The following IGF1R variants were observed in gnomAD, a reference collection of about 807,000 sequenced individuals.
IGF1R encodes the protein insulin-like growth factor 1 receptor.
A neutral mutation model predicts 144.6 loss-of-function variants in IGF1R; 44 were observed. That is an observed-to-expected ratio of 0.30 (90% CI 0.24 to 0.39). IGF1R has a LOEUF of 0.39. Ranked by LOEUF, IGF1R falls within the 10% of genes least tolerant of loss-of-function variation. The pLI, the probability that IGF1R is intolerant of heterozygous loss-of-function variation, is 1.00. For missense variants in IGF1R, 1,355 were observed against 1,833.7 expected, an observed-to-expected ratio of 0.74 and a Z score of 4.77; for synonymous variants, 795 against 722.8, an observed-to-expected ratio of 1.10 and a Z score of -1.60.
intron 2 of IGF1R, among the ~76,000 whole-genome samples, chr15:98,787,286 A>T (rs537655886): frequency 6.6e-6 from 1 of 152,320 alleles, no homozygotes; most frequent in South Asian, 2.1e-4. Flanking sequence ...ACTTTTGTTC[A>T]TGACTATATT....
intron 1 of IGF1R, among the ~76,000 whole-genome samples, chr15:98,663,404 G>A (rs1596153667): frequency 6.6e-6 from 1 of 152,184 alleles, no homozygotes; most frequent in African/African-American, 2.4e-5. Flanking sequence ...AAAGTTCTCC[G>A]GAAACTGCAG....
Position 98,796,910 on chromosome 15 carries a change from G to C in IGF1R, c.640+88803G>C, listed in dbSNP as rs974775604. Among the ~76,000 whole-genome samples, 4 of 152,308 alleles carry C rather than the reference G, an allele frequency of 2.6e-5. No individual in the cohort carries two copies. The East Asian group carries it at 7.7e-4, about 29-fold the overall frequency. On this transcript the variant is annotated intron_variant, in intron 2 of 20. Coordinates refer to ENST00000650285, the MANE Select transcript of IGF1R (RefSeq NM_000875.5). The stretch of plus-strand genomic sequence containing the variant: ...GATGTGTTCGAAGGCTCTCACTCGC[G>C]ACTCCTGTTGGCTTGTGGAGAGTGC...
chr15:98,753,783 G>T (rs780983056), intron 2 of IGF1R, among the ~76,000 whole-genome samples: 4 of 152,196 alleles, frequency 2.6e-5, no homozygotes, highest in African/African-American at 4.8e-5. Context: ...CATGAAACAA[G>T]TATCTTGGAA....
rs1411887515 is a variant in IGF1R, at chr15:98,959,983, GTA to G, written c.*2543_*2544del. On this transcript the variant is annotated 3_prime_UTR_variant, in exon 21 of 21. Coordinates refer to ENST00000650285, the MANE Select transcript of IGF1R (RefSeq NM_000875.5). ...TTTCAAGGAAAGGGTGTGTGTGTGTGTATGTGTGGGGTGTGTGTGTGTGAGAG... is the reference window on the plus strand; with the variant it reads ...TTTCAAGGAAAGGGTGTGTGTGTGTGTGTGTGGGGTGTGTGTGTGTGAGAG... 2 of 226,952 alleles carry G rather than the reference GTA, an allele frequency of 8.8e-6. No individual in the cohort carries two copies. The highest frequency in any genetic ancestry group is 6.2e-5 in the East Asian group (1 of 16,202). 14.1% of individuals were successfully genotyped at this position (226,952 alleles called of 1,614,324 possible).
chr15:98,948,594 G>T lies in IGF1R; in HGVS notation c.3608G>T (p.Trp1203Leu). Residue 1203 changes from tryptophan (W) to leucine (L), a missense_variant, in exon 20 of 21, where the codon TGG becomes TTG. Transcript: ENST00000650285. ...SDVWSFGVVL[W>L]EIATLAEQPY... The stretch of plus-strand genomic sequence containing the variant: ...TGTAGGTCCTTCGGGGTCGTCCTCT[G>T]GGAGATCGCCACACTGGCCGAGCAG... 6.2e-7 allele frequency: 1 copy of T among 1,614,108 alleles called. No individual in the cohort carries two copies. Among genetic ancestry groups the T allele is most frequent in the Non-Finnish European group, 8.5e-7 (1 of 1,180,006 alleles).
At chr15:98,881,694 G>A (rs567383581) in intron 2 of IGF1R, among the ~76,000 whole-genome samples, 3 of 152,320 alleles carry the variant, frequency 2.0e-5, no homozygotes, top group African/African-American at 7.2e-5. Flanking sequence ...GGAAGAGGCT[G>A]CAATCAACAG....
chr15:98,822,155 G>T lies in IGF1R; in HGVS notation c.641-69170G>T, dbSNP rs189050686. ...GCAGGGACTGTTGCAGAGCATTAGA[G>T]CCACCCTCAAACAGTTACCCAGTGA... On this transcript the variant is annotated intron_variant, in intron 2 of 20. Transcript: ENST00000650285. Among the ~76,000 whole-genome samples, 4 of 152,238 alleles carry T rather than the reference G, an allele frequency of 2.6e-5. No individual in the cohort carries two copies. The East Asian group carries it at 7.7e-4, about 29-fold the overall frequency.
At chr15:98,870,618 G>T (rs1479598910) in intron 2 of IGF1R, among the ~76,000 whole-genome samples, 5 of 152,214 alleles carry the variant, frequency 3.3e-5, no homozygotes, top group African/African-American at 1.2e-4. Flanking sequence ...GTGTGTGTGT[G>T]TTTGTGTATC....
At chr15:98,663,015 A>T (rs1171665760) in intron 1 of IGF1R, among the ~76,000 whole-genome samples, 1 of 151,984 alleles carries the variant, frequency 6.6e-6, no homozygotes, top group African/African-American at 2.4e-5. Context: ...GGATTGGGGG[A>T]CAGATAGACA....
At chr15:98,864,309 T>C (rs1286589425) in intron 2 of IGF1R, among the ~76,000 whole-genome samples, 2 of 152,208 alleles carry the variant, frequency 1.3e-5, no homozygotes, top group Non-Finnish European at 2.9e-5. Flanking sequence ...AGGCCCCCTA[T>C]TTAATTAAAT....
rs2053890117 is a variant in IGF1R at position 98,707,346 on chromosome 15, A to G, written c.95-216A>G. Among the ~76,000 whole-genome samples, 1 of 152,216 alleles carries G rather than the reference A, an allele frequency of 6.6e-6. No individual in the cohort carries two copies. ...CATGGTCGGTTGGAGTGTGTTGCAC[A>G]GCGTCTGGTCCAGTGTTGGCACTGT... On this transcript the variant is annotated intron_variant, in intron 1 of 20. Coordinates refer to ENST00000650285, the MANE Select transcript of IGF1R (RefSeq NM_000875.5). This position sits in a 1 kb window ranked among gnomAD's most constrained non-coding sequence, Gnocchi z 6.7.
chr15:98,692,934 T>G (rs1347537248), intron 1 of IGF1R, among the ~76,000 whole-genome samples: 1 of 152,198 alleles, frequency 6.6e-6, no homozygotes, highest in Middle Eastern at 3.4e-3. Context: ...GGTGGAACAG[T>G]GGGAGACCCT....
intron 10 of IGF1R, 78 bp downstream of exon 10, chr15:98,916,954 A>T: frequency 8.0e-7 from 1 of 1,243,286 alleles, no homozygotes; most frequent in South Asian, 1.2e-5. Context: ...CCCACCAGGT[A>T]GTGTGTAAGT....
chr15:98,922,248 C>T lies in IGF1R; in HGVS notation c.2302C>T (p.Pro768Ser). 6.2e-7 allele frequency: 1 copy of T among 1,614,164 alleles called. No homozygotes were observed. Among genetic ancestry groups the T allele is most frequent in the Non-Finnish European group, 8.5e-7 (1 of 1,180,032 alleles). ...TAADTYNITD[P>S]EELETEYPFF... Reference sequence around the variant, plus strand: ...CGCAGACACCTACAACATCACCGACCCGGAAGAGCTGGAGACAGAGTACCC... The same window carrying T: ...CGCAGACACCTACAACATCACCGACTCGGAAGAGCTGGAGACAGAGTACCC... The change falls in exon 11 of 21, where the codon CCG (proline) becomes TCG (serine). Residue 768 changes from proline (P) to serine (S), a missense_variant. This residue lies in a region of IGF1R where 880 missense variants were observed against 1,202.7 expected (regional missense o/e 0.73). Transcript: ENST00000650285.
chr15:98,833,911 T>G (rs2141509811), intron 2 of IGF1R, among the ~76,000 whole-genome samples: 1 of 152,324 alleles, frequency 6.6e-6, no homozygotes, highest in South Asian at 2.1e-4. Context: ...TCAAATGAAC[T>G]TATGTGTTGG....
At chr15:98,791,356 C>G (rs2056123275) in intron 2 of IGF1R, among the ~76,000 whole-genome samples, 2 of 152,192 alleles carry the variant, frequency 1.3e-5, no homozygotes, top group South Asian at 4.1e-4. Context: ...TTTTACTTCA[C>G]TTGTAACTTA....
chr15:98,886,048 C>T, intron 2 of IGF1R, among the ~76,000 whole-genome samples: 1 of 152,044 alleles, frequency 6.6e-6, no homozygotes, highest in East Asian at 1.9e-4. Context: ...GAACTCCTGA[C>T]CTCAGTTGAT....
chr15:98,661,726 TCTGCCTGTGATTGGAATAACA>T (rs1477656380), intron 1 of IGF1R, among the ~76,000 whole-genome samples: 1 of 152,216 alleles, frequency 6.6e-6, no homozygotes, highest in Non-Finnish European at 1.5e-5. Context: ...CCTCAGTGTC[TCTGCCTGTGATTGGAATAACA>T]CTGCTCTAGC....
intron 2 of IGF1R, chr15:98,873,969 A>G (rs1405030059): frequency 6.6e-6 from 1 of 152,080 alleles, no homozygotes; most frequent in Non-Finnish European, 1.5e-5. Context: ...TGCCTACCAC[A>G]CCTCGTGGGT....
Sources: allele counts gnomAD v4.1 joint callset (sites outside exome capture counted in the v4.1 genomes callset), GRCh38; gene constraint gnomAD v4.1.1; regional missense constraint gnomAD v4.1.1; non-coding constraint Gnocchi (gnomAD v3.1); transcripts MANE v1.5; gene names NCBI Gene and HGNC (gene_info 2026-07-23, HGNC 2026-07-21).